HRH2: variants seen among roughly 807,000 people sequenced by gnomAD.
The protein encoded by HRH2 is histamine H2 receptor.
A neutral mutation model predicts 20.1 loss-of-function variants in HRH2; 4 were observed. That is an observed-to-expected ratio of 0.20 (90% CI 0.10 to 0.45). The LOEUF (loss-of-function observed/expected upper bound fraction) is 0.45, where lower values mean the gene tolerates loss of function less well. Ranked by LOEUF, HRH2 falls within the 20% of genes least tolerant of loss-of-function variation. The pLI is 0.99. For synonymous variants in HRH2, 197 were observed against 200.7 expected (o/e 0.98, Z 0.16); for missense variants, 250 against 461.6 (o/e 0.54, Z 4.20).
chr5:175,682,490 G>A (rs1232597712), intron 1 of HRH2, among the ~76,000 whole-genome samples: 2 of 151,980 alleles, frequency 1.3e-5, no homozygotes, highest in Admixed American at 6.6e-5. Context: ...TCTTTCTCAC[G>A]AGTCTCAGTG....
chr5:175,690,694 C>T lies in HRH2; in HGVS notation c.1076+6385C>T, dbSNP rs138626188. Reference sequence around the variant, plus strand: ...GAGTTGTGCATCCACAATCACAATCCGTTTTAGAGCATTTCATCGCCCCCC... The same window carrying T: ...GAGTTGTGCATCCACAATCACAATCTGTTTTAGAGCATTTCATCGCCCCCC... On this transcript the variant is annotated intron_variant, in intron 2 of 2. Coordinates refer to ENST00000636584, the MANE Select transcript of HRH2 (RefSeq NM_001367711.1). Among the ~76,000 whole-genome samples, 64 of 152,226 alleles carry T rather than the reference C, an allele frequency of 4.2e-4. No homozygotes were observed. The East Asian group carries it at 7.2e-3, about 17-fold the overall frequency.
chr5:175,706,768 G>A (rs891058742), intron 2 of HRH2, among the ~76,000 whole-genome samples: 13 of 152,234 alleles, frequency 8.5e-5, no homozygotes, highest in Non-Finnish European at 2.9e-5. Flanking sequence ...GGAAGGAAGC[G>A]CAGATGTCAG....
At chr5:175,670,016 C>G (rs933211734) in intron 1 of HRH2, among the ~76,000 whole-genome samples, 10 of 152,204 alleles carry the variant, frequency 6.6e-5, no homozygotes, top group African/African-American at 2.4e-4. Flanking sequence ...GGGTGACAAA[C>G]TCTGATGCTT....
At chr5:175,660,096 T>C (rs1762694993) in intron 1 of HRH2, among the ~76,000 whole-genome samples, 2 of 152,098 alleles carry the variant, frequency 1.3e-5, no homozygotes, top group South Asian at 4.1e-4. Flanking sequence ...GATGCGTCCG[T>C]GGGAAAAACA....
chr5:175,672,799 G>A (rs80249295), intron 1 of HRH2, among the ~76,000 whole-genome samples: 1,744 of 152,258 alleles, frequency 0.011, 29 homozygotes, highest in African/African-American at 0.04. Context: ...CATGTGGGGT[G>A]GGGGATGTTA....
chr5:175,707,306 T>C (rs1159193229), intron 2 of HRH2, among the ~76,000 whole-genome samples: 1 of 152,068 alleles, frequency 6.6e-6, no homozygotes, highest in Non-Finnish European at 1.5e-5. Context: ...GGCACGCACC[T>C]ATAGTGTCAG....
chr5:175,700,021 G>C (rs1318917180), intron 2 of HRH2, among the ~76,000 whole-genome samples: 1 of 152,196 alleles, frequency 6.6e-6, no homozygotes, highest in African/African-American at 2.4e-5. Flanking sequence ...ATGTGGAGAG[G>C]GACTGAAGAA....
chr5:175,696,712 G>A (rs1019336795), intron 2 of HRH2, among the ~76,000 whole-genome samples: 1 of 152,188 alleles, frequency 6.6e-6, no homozygotes, highest in Non-Finnish European at 1.5e-5. Flanking sequence ...TTCTTCCGTG[G>A]GACCTGCTGC....
chr5:175,676,605 G>T (rs1755769986), intron 1 of HRH2, among the ~76,000 whole-genome samples: 1 of 152,206 alleles, frequency 6.6e-6, no homozygotes, highest in Admixed American at 6.5e-5. Context: ...TTTAAAATTT[G>T]TATAAATTTA....
chr5:175,691,638 T>C (rs1292183921), intron 2 of HRH2, among the ~76,000 whole-genome samples: 2 of 151,198 alleles, frequency 1.3e-5, no homozygotes, highest in Non-Finnish European at 3.0e-5. Context: ...ATACCGGCGC[T>C]TTGGGAGGCT....
intron 2 of HRH2, among the ~76,000 whole-genome samples, chr5:175,688,059 T>G (rs1313851141): frequency 1.3e-5 from 2 of 152,138 alleles, no homozygotes. Flanking sequence ...AGGGCCCCTC[T>G]CACATCACTC....
chr5:175,694,482 G>C (rs918877450), intron 2 of HRH2, among the ~76,000 whole-genome samples: 2 of 152,130 alleles, frequency 1.3e-5, no homozygotes, highest in African/African-American at 4.8e-5. Context: ...CCTATCCAAA[G>C]CCAGCTACAT....
At chr5:175,658,945 C>T (rs964215909) in intron 1 of HRH2, among the ~76,000 whole-genome samples, 7 of 152,180 alleles carry the variant, frequency 4.6e-5, no homozygotes, top group Non-Finnish European at 1.0e-4. Context: ...AGAGGTGGGG[C>T]AGGAAAGTGC....
At position 175,683,172 on chromosome 5, in the gene HRH2, T is replaced by C. The variant is rs576893611; in HGVS notation, c.-62T>C. ...TCCAGTGGTTGGCATAGTTGTCACA[T>C]TGGGAGCAGAGAAGAAGCAACCAGG... On this transcript the variant is annotated 5_prime_UTR_variant, in exon 2 of 3. Coordinates refer to ENST00000636584, the MANE Select transcript of HRH2 (RefSeq NM_001367711.1). The C allele has an allele frequency of 2.0e-5, 31 of 1,555,542 alleles. No homozygotes were observed. Among genetic ancestry groups the C allele is most frequent in the African/African-American group, 4.1e-5 (3 of 72,720 alleles).
chr5:175,705,881 G>A (rs1271291493), intron 2 of HRH2, among the ~76,000 whole-genome samples: 1 of 151,878 alleles, frequency 6.6e-6, no homozygotes, highest in Non-Finnish European at 1.5e-5. Context: ...CCCAGGTTTT[G>A]CCATGTTGCC....
At chr5:175,702,196 G>A (rs569966761) in intron 2 of HRH2, among the ~76,000 whole-genome samples, 26 of 152,144 alleles carry the variant, frequency 1.7e-4, no homozygotes, top group African/African-American at 6.3e-4. Flanking sequence ...AGAAGGTAGA[G>A]ATTCCATATG....
intron 2 of HRH2, among the ~76,000 whole-genome samples, chr5:175,707,124 G>A (rs1016933065): frequency 2.0e-5 from 3 of 152,182 alleles, no homozygotes; most frequent in African/African-American, 7.2e-5. Context: ...AATTCTTTCA[G>A]GAGTAGGAAA....
intron 1 of HRH2, among the ~76,000 whole-genome samples, chr5:175,660,816 T>C (rs763413082): frequency 1.3e-5 from 2 of 152,210 alleles, no homozygotes; most frequent in African/African-American, 2.4e-5. Flanking sequence ...GTTTTCACCA[T>C]CTTCTTGTCT....
At chr5:175,673,709 G>GTTT (rs1261033568) in intron 1 of HRH2, among the ~76,000 whole-genome samples, 2 of 132,982 alleles carry the variant, frequency 1.5e-5, no homozygotes, top group Admixed American at 7.5e-5. Flanking sequence ...TTTTTTTTTT[G>GTTT]TTTTTTTTTT....
Sources: allele counts gnomAD v4.1 joint callset (sites outside exome capture counted in the v4.1 genomes callset), GRCh38; gene constraint gnomAD v4.1.1; transcripts MANE v1.5; gene names NCBI Gene and HGNC (gene_info 2026-07-23, HGNC 2026-07-21).